The following ABCA13 variants were observed in gnomAD, a reference collection of about 807,000 sequenced individuals.
ABCA13 encodes ATP binding cassette subfamily A member 13.
ABCA13 carries 476 observed loss-of-function variants against 478.7 expected under a neutral mutation model. That is an observed-to-expected ratio of 0.99 (90% CI 0.92 to 1.07). The LOEUF (loss-of-function observed/expected upper bound fraction) is 1.07, where lower values mean the gene tolerates loss of function less well. Ranked by LOEUF, ABCA13 falls within the 50% of genes least tolerant of loss-of-function variation. The pLI is 0.00. For synonymous variants in ABCA13, 2,252 were observed against 2,158.9 expected (o/e 1.04, Z -1.20); for missense variants, 6,060 against 5,910.6 (o/e 1.03, Z -0.83).
At chr7:48,417,576 C>T (rs191772910) in intron 41 of ABCA13, among the ~76,000 whole-genome samples, 1 of 152,120 alleles carries the variant, frequency 6.6e-6, no homozygotes, top group South Asian at 2.1e-4. Context: ...GAGCAGAATG[C>T]ACAAATTGTG....
chr7:48,173,704 G>C (rs1036066145), intron 1 of ABCA13, among the ~76,000 whole-genome samples: 17 of 152,196 alleles, frequency 1.1e-4, no homozygotes, highest in African/African-American at 4.1e-4. Flanking sequence ...ATTTGGAGCT[G>C]CCTGACTGGG....
chr7:48,218,254 G>A (rs1439486142), intron 3 of ABCA13, among the ~76,000 whole-genome samples: 3 of 152,216 alleles, frequency 2.0e-5, no homozygotes, highest in African/African-American at 7.2e-5. Flanking sequence ...GTATGGGTGA[G>A]GCAGGAGAGT....
chr7:48,371,813 T>C (rs993579420), intron 32 of ABCA13, among the ~76,000 whole-genome samples: 2 of 152,232 alleles, frequency 1.3e-5, no homozygotes, highest in Non-Finnish European at 2.9e-5. Flanking sequence ...TGGCCAGAAC[T>C]TCCAATACAG....
In ABCA13 at chr7:48,367,822, C is replaced by G; in HGVS notation, c.10717C>G (p.Pro3573Ala). ...CCTGAACAACGTTGGTTTCTTTTTT[C>G]CACTGATAATGATGCTGACGTGGAT... is the stretch of plus-strand genomic sequence containing the variant. ...LFLNNVGFFF[P>A]LIMMLTWMVS... Residue 3573 changes from proline to alanine, a missense_variant, in exon 32 of 62, where the codon CCA becomes GCA. Coordinates refer to ENST00000435803, the MANE Select transcript of ABCA13 (RefSeq NM_152701.5). 6.4e-7 allele frequency: 1 copy of G among 1,572,912 alleles called. No individual in the cohort carries two copies. Among genetic ancestry groups the G allele is most frequent in the Non-Finnish European group, 8.6e-7 (1 of 1,157,730 alleles).
rs373563684 is a variant in ABCA13, at chr7:48,410,671, G to A, written c.12222G>A (p.Thr4074=). 7 of 1,612,726 alleles carry A rather than the reference G, an allele frequency of 4.3e-6. No homozygotes were observed. The African/African-American group carries it at 5.3e-5, about 12-fold the overall frequency. ...GCCAGGGGCTCCGCCTGACACTCAC[G>A]AGGCAGGTAAGGAGTGCAACCATTC... ...AYGQGLRLTL[T]RQPSVLEAHD... Residue 4074 remains threonine (T), a synonymous_variant, in exon 40 of 62, where the codon ACG becomes ACA. Transcript: ENST00000435803.
At position 48,221,285 on chromosome 7, in the gene ABCA13, T is replaced by C; in HGVS notation, c.444T>C (p.Ser148=). ...LWVERSNTPD[S]SYGSSFFTMD... The stretch of plus-strand genomic sequence containing the variant: ...CTTAAACCTTCTTTATTATAGATTC[T>C]TCTTATGGTTCCAGTTTTTTTACAG... Residue 148 remains serine, a synonymous_variant, in exon 5 of 62, where the codon TCT becomes TCC. Coordinates refer to ENST00000435803, the MANE Select transcript of ABCA13 (RefSeq NM_152701.5). 1 of 1,166,030 alleles carries C rather than the reference T, an allele frequency of 8.6e-7. No homozygotes were observed. The highest frequency in any genetic ancestry group is 1.2e-6 in the Non-Finnish European group (1 of 818,746). 72.2% of individuals were successfully genotyped at this position (1,166,030 alleles called of 1,614,324 possible).
chr7:48,431,118 C>T (rs373507411), intron 42 of ABCA13, among the ~76,000 whole-genome samples: 3 of 151,994 alleles, frequency 2.0e-5, no homozygotes, highest in South Asian at 2.1e-4. Context: ...GTGTTGATTT[C>T]CACATATTTG....
At chr7:48,552,945 T>TC (rs1252839760) in intron 55 of ABCA13, among the ~76,000 whole-genome samples, 2 of 151,588 alleles carry the variant, frequency 1.3e-5, no homozygotes, top group African/African-American at 4.8e-5. Context: ...CCATTAATCA[T>TC]CCCCACTTCC....
At chr7:48,190,166 T>C (rs951385389) in intron 1 of ABCA13, among the ~76,000 whole-genome samples, 3 of 152,116 alleles carry the variant, frequency 2.0e-5, no homozygotes, top group Admixed American at 1.3e-4. Flanking sequence ...ACTACATCTA[T>C]CCAAATTAAA....
At chr7:48,235,444 G>C (rs1789802397) in intron 8 of ABCA13, among the ~76,000 whole-genome samples, 1 of 152,200 alleles carries the variant, frequency 6.6e-6, no homozygotes, top group South Asian at 2.1e-4. Context: ...AAAGTGATCA[G>C]AAAATACCAC....
intron 54 of ABCA13, among the ~76,000 whole-genome samples, chr7:48,527,883 A>G (rs893534127): frequency 1.3e-5 from 2 of 152,188 alleles, no homozygotes; most frequent in South Asian, 2.1e-4. Context: ...AATAATTATA[A>G]TGATGTGACT....
At chr7:48,557,850 G>C (rs539510320) in intron 55 of ABCA13, among the ~76,000 whole-genome samples, 1 of 152,146 alleles carries the variant, frequency 6.6e-6, no homozygotes, top group East Asian at 1.9e-4. Flanking sequence ...TCTCAGTTTG[G>C]TAAGTTCTCT....
chr7:48,269,244 C>A (rs1002145795), intron 16 of ABCA13, 150 bp downstream of exon 16: 9 of 551,696 alleles, frequency 1.6e-5, no homozygotes, highest in African/African-American at 1.5e-4. Context: ...AATAAATATT[C>A]CTTTAATAGA....
chr7:48,293,771 G>A (rs907048465), intron 20 of ABCA13, among the ~76,000 whole-genome samples: 2 of 152,068 alleles, frequency 1.3e-5, no homozygotes, highest in African/African-American at 4.8e-5. Context: ...CAAAATGATT[G>A]GTTGTTTAAA....
At chr7:48,411,047 C>CTTTCTTTCTT (rs1563208946) in intron 40 of ABCA13, among the ~76,000 whole-genome samples, 2 of 59,338 alleles carry the variant, frequency 3.4e-5, no homozygotes, top group African/African-American at 1.2e-4. Context: ...TTCTTTCTTT[C>CTTTCTTTCTT]TTTTTCTTTC....
At position 48,233,961 on chromosome 7, in the gene ABCA13, T is replaced by TA; in HGVS notation, c.764-54dup. The TA allele has an allele frequency of 5.6e-6, 9 of 1,595,790 alleles. No individual in the cohort carries two copies. The South Asian group carries it at 9.0e-5, about 16-fold the overall frequency. On this transcript the variant is annotated intron_variant, in intron 7 of 61. Coordinates refer to ENST00000435803, the MANE Select transcript of ABCA13 (RefSeq NM_152701.5). ...AAGGTATTTTTTTTCTGGATTACAT[T>TA]AAACATATCAAAATATTCAAACAAC... is the stretch of plus-strand genomic sequence containing the variant.
rs58253125 is a variant in ABCA13 at position 48,633,931 on chromosome 7, CATAGATAGATAGATAGATAG to C, written c.14838-9326_14838-9307del. Among the ~76,000 whole-genome samples, 62 of 145,008 alleles carry C rather than the reference CATAGATAGATAGATAGATAG, an allele frequency of 4.3e-4. 1 individual carries two copies. The highest frequency in any genetic ancestry group is 1.1e-3 in the East Asian group (5 of 4,760). On this transcript the variant is annotated intron_variant, in intron 59 of 61. Coordinates refer to ENST00000435803, the MANE Select transcript of ABCA13 (RefSeq NM_152701.5). ...AGATAGATACATAGATAGATAGATA[CATAGATAGATAGATAGATAG>C]ATAGATAGATAGATAGATAGATAGA...
intron 45 of ABCA13, among the ~76,000 whole-genome samples, chr7:48,473,131 C>G (rs1418513689): frequency 6.6e-6 from 1 of 152,094 alleles, no homozygotes; most frequent in African/African-American, 2.4e-5. Flanking sequence ...AAGGGGGAAC[C>G]ACCCCCGTGT....
At chr7:48,454,230 C>A (rs1249595969) in intron 42 of ABCA13, among the ~76,000 whole-genome samples, 4 of 152,190 alleles carry the variant, frequency 2.6e-5, no homozygotes, top group African/African-American at 9.7e-5. Flanking sequence ...TTTAAGACTG[C>A]AGTCCATGGG....
Sources: gnomAD v4.1 joint callset for allele counts (sites outside exome capture counted in the v4.1 genomes callset) on GRCh38, gnomAD v4.1.1 for gene constraint, MANE v1.5 for transcripts, NCBI Gene and HGNC (gene_info 2026-07-23, HGNC 2026-07-21) for gene names.